Variants in AGBL1 observed in about 807,000 individuals in gnomAD.
AGBL1 encodes the protein AGBL carboxypeptidase 1.
In AGBL1, 130 loss-of-function variants were observed where a neutral mutation model predicts 118.9. That is an observed-to-expected ratio of 1.09 (90% confidence interval 0.95 to 1.26). The LOEUF is 1.26. AGBL1 is among the 50% of genes most tolerant of loss of function. AGBL1 has a pLI of 0.00. For synonymous variants in AGBL1, 555 were observed against 478.9 expected (o/e 1.16, Z -2.08); for missense variants, 1,584 against 1,298.1 (o/e 1.22, Z -3.38).
chr15:86,179,407 C>T (rs1030708043), intron 5 of AGBL1, among the ~76,000 whole-genome samples: 4 of 152,150 alleles, frequency 2.6e-5, no homozygotes, highest in East Asian at 3.9e-4. Flanking sequence ...TAGTTTAACA[C>T]GTGTAGAAAT....
At chr15:86,847,110 A>G (rs1418497644) in intron 22 of AGBL1, among the ~76,000 whole-genome samples, 3 of 152,048 alleles carry the variant, frequency 2.0e-5, no homozygotes, top group African/African-American at 7.2e-5. Context: ...CAGAATTTTT[A>G]TGTGGTTCTT....
At chr15:86,986,489 C>A (rs1023756815) in intron 23 of AGBL1, among the ~76,000 whole-genome samples, 1 of 152,020 alleles carries the variant, frequency 6.6e-6, no homozygotes, top group Admixed American at 6.6e-5. Flanking sequence ...ATTGTATAGC[C>A]TTTTCATATA....
chr15:86,971,234 G>T (rs1016131653), intron 23 of AGBL1, among the ~76,000 whole-genome samples: 5 of 152,002 alleles, frequency 3.3e-5, no homozygotes, highest in Non-Finnish European at 5.9e-5. Flanking sequence ...ATACTTGGAT[G>T]TAGATGAAAC....
At chr15:86,595,994 A>T (rs536277818) in intron 21 of AGBL1, among the ~76,000 whole-genome samples, 2 of 152,174 alleles carry the variant, frequency 1.3e-5, no homozygotes, top group African/African-American at 4.8e-5. Context: ...TCTGAAAAGC[A>T]TCTCAAAAGA....
chr15:86,898,603 T>A (rs1174041573), intron 22 of AGBL1, among the ~76,000 whole-genome samples: 1 of 152,076 alleles, frequency 6.6e-6, no homozygotes, highest in Non-Finnish European at 1.5e-5. Context: ...ATCAACACAG[T>A]AAACAGAAAA....
chr15:86,393,350 T>C (rs974634136), intron 17 of AGBL1, among the ~76,000 whole-genome samples: 1 of 152,236 alleles, frequency 6.6e-6, no homozygotes, highest in African/African-American at 2.4e-5. Flanking sequence ...GGAAGTGTTT[T>C]GTTAGTGTCA....
At chr15:86,704,231 A>G (rs1025695742) in intron 22 of AGBL1, among the ~76,000 whole-genome samples, 2 of 152,194 alleles carry the variant, frequency 1.3e-5, no homozygotes, top group Admixed American at 6.5e-5. Context: ...GGCCTGGGCA[A>G]AGACTCATGA....
At chr15:86,314,411 A>T (rs2079967106) in intron 17 of AGBL1, among the ~76,000 whole-genome samples, 1 of 152,150 alleles carries the variant, frequency 6.6e-6, no homozygotes, top group Non-Finnish European at 1.5e-5. Context: ...ATTCACATTA[A>T]AAAAGGGCAT....
At chr15:86,831,050 C>CA (rs1249286203) in intron 22 of AGBL1, among the ~76,000 whole-genome samples, 4 of 152,106 alleles carry the variant, frequency 2.6e-5, no homozygotes, top group Admixed American at 6.5e-5. Context: ...TGGCTACAGG[C>CA]AAGAGAGAGC....
At chr15:86,365,042 T>TAC (rs1234526029) in intron 17 of AGBL1, among the ~76,000 whole-genome samples, 11,526 of 112,492 alleles carry the variant, frequency 0.1, 1,475 homozygotes, top group Non-Finnish European at 0.12. Context: ...CACATATATA[T>TAC]ACACACATAT....
chr15:86,543,682 T>C (rs1466488266), intron 19 of AGBL1, among the ~76,000 whole-genome samples: 1 of 152,134 alleles, frequency 6.6e-6, no homozygotes, highest in East Asian at 1.9e-4. Flanking sequence ...GAAAAAATAA[T>C]ACTGGACAAC....
intron 22 of AGBL1, among the ~76,000 whole-genome samples, chr15:86,864,423 C>A (rs1021861563): frequency 4.6e-5 from 7 of 152,124 alleles, no homozygotes; most frequent in African/African-American, 1.7e-4. Flanking sequence ...GTTCATATCA[C>A]ACTATTAGTA....
rs1428588125 is a variant in AGBL1, at chr15:86,895,770, A to G, written c.3159-11317A>G. Among the ~76,000 whole-genome samples, 3 of 152,142 alleles carry G rather than the reference A, an allele frequency of 2.0e-5. No individual in the cohort carries two copies. The South Asian group carries it at 6.2e-4, about 32-fold the overall frequency. On this transcript the variant is annotated intron_variant, in intron 22 of 22. Transcript: ENST00000614907. ...TCCCTTATTTAATTTGTTTTTATGG[A>G]AAATTTATTGTTGATCTAAATGTCC...
chr15:86,086,554 A>G (rs889927168), intron 1 of AGBL1, among the ~76,000 whole-genome samples: 4 of 152,216 alleles, frequency 2.6e-5, no homozygotes, highest in Non-Finnish European at 2.9e-5. Context: ...AAAACAGGGC[A>G]TGATAGAAAA....
intron 1 of AGBL1, among the ~76,000 whole-genome samples, chr15:86,105,691 C>A (rs1270029233): frequency 2.6e-5 from 4 of 152,206 alleles, no homozygotes; most frequent in Non-Finnish European, 5.9e-5. Context: ...TCTTTGAATA[C>A]AACCTCTATG....
chr15:86,812,847 C>T lies in AGBL1; in HGVS notation c.3159-94240C>T, dbSNP rs74027113. ...GCTTACAAGGCATTCTAAAGGTATG[C>T]GTGGCAGGTAAAGAAGTAAACCTAA... On this transcript the variant is annotated intron_variant, in intron 22 of 22. Coordinates refer to ENST00000614907, the MANE Select transcript of AGBL1 (RefSeq NM_001386094.1). 3.7e-3 allele frequency among the ~76,000 whole-genome samples: 570 copies of T among 152,102 alleles called. 7 individuals carry two copies. Among genetic ancestry groups the T allele is most frequent in the African/African-American group, 0.013 (530 of 41,484 alleles).
At chr15:86,494,598 T>C (rs1169056815) in intron 18 of AGBL1, among the ~76,000 whole-genome samples, 1 of 152,086 alleles carries the variant, frequency 6.6e-6, no homozygotes, top group Non-Finnish European at 1.5e-5. Context: ...CCTAACTTAT[T>C]ATCACCTACC....
At chr15:86,143,279 T>G (rs1184017930) in intron 2 of AGBL1, among the ~76,000 whole-genome samples, 1 of 152,192 alleles carries the variant, frequency 6.6e-6, no homozygotes, top group East Asian at 1.9e-4. Context: ...TGATTCCAGA[T>G]TAGGCCATCA....
intron 23 of AGBL1, among the ~76,000 whole-genome samples, chr15:86,967,228 C>T (rs2081064047): frequency 6.6e-6 from 1 of 151,878 alleles, no homozygotes; most frequent in South Asian, 2.1e-4. Flanking sequence ...GGATATTAGC[C>T]CTTTGTCAGA....
Sources: allele counts gnomAD v4.1 joint callset (sites outside exome capture counted in the v4.1 genomes callset), GRCh38; gene constraint gnomAD v4.1.1; transcripts MANE v1.5; gene names NCBI Gene and HGNC (gene_info 2026-07-23, HGNC 2026-07-21).